The following SLC16A9 variants were observed in gnomAD, a reference collection of about 807,000 sequenced individuals.
The protein encoded by SLC16A9 is monocarboxylate transporter 9.
A neutral mutation model predicts 44.3 loss-of-function variants in SLC16A9; 26 were observed. That is an observed-to-expected ratio of 0.59 (90% CI 0.43 to 0.81). SLC16A9 has a LOEUF of 0.81. Among genes scored for constraint, SLC16A9 ranks in the 40% least tolerant of loss-of-function variants. SLC16A9 has a pLI of 0.00. For synonymous variants in SLC16A9, 230 were observed against 225.1 expected, an observed-to-expected ratio of 1.02 and a Z score of -0.19; for missense variants, 559 against 595.8, an observed-to-expected ratio of 0.94 and a Z score of 0.64.
In SLC16A9 at chr10:59,654,294, A is replaced by G; in HGVS notation, c.732T>C (p.Asn244=). 6.2e-7 allele frequency: 1 copy of G among 1,614,078 alleles called. No homozygotes were observed. The highest frequency in any genetic ancestry group is 8.5e-7 in the Non-Finnish European group (1 of 1,180,022). Residue 244 remains asparagine (N), a synonymous_variant, in exon 5 of 6, where the codon AAT becomes AAC. Transcript: ENST00000395348. Reference sequence around the variant, plus strand: ...GTAGGCTGTCTTGTTTCCAGTCACCATTGGCTAACGTGATCCTGCATTTTT... The same window carrying G: ...GTAGGCTGTCTTGTTTCCAGTCACCGTTGGCTAACGTGATCCTGCATTTTT... The part of the protein sequence containing the change: ...SEEKCRITLA[N]GDWKQDSLLH...
At chr10:59,682,488 G>A (rs1840045493) in intron 2 of SLC16A9, among the ~76,000 whole-genome samples, 1 of 152,030 alleles carries the variant, frequency 6.6e-6, no homozygotes. Context: ...GACCACCAAT[G>A]CCCATCCTTA....
At chr10:59,705,298 ATCAGGCCCAGT>A (rs1329494763) in intron 1 of SLC16A9, among the ~76,000 whole-genome samples, 1 of 152,222 alleles carries the variant, frequency 6.6e-6, no homozygotes, top group Non-Finnish European at 1.5e-5. Flanking sequence ...TGCTACAGGA[ATCAGGCCCAGT>A]TTCTATCTAA....
intron 3 of SLC16A9, among the ~76,000 whole-genome samples, chr10:59,670,291 AT>A (rs1313256970): frequency 2.0e-5 from 3 of 152,240 alleles, no homozygotes; most frequent in African/African-American, 4.8e-5. Flanking sequence ...TTTATAAAAA[AT>A]AAAAAAGGAA....
At chr10:59,702,404 G>A (rs1840544446) in intron 1 of SLC16A9, among the ~76,000 whole-genome samples, 1 of 152,170 alleles carries the variant, frequency 6.6e-6, no homozygotes, top group Admixed American at 6.5e-5. Context: ...CATACTCGCT[G>A]ATGTGAAAGG....
At chr10:59,705,364 A>G (rs1840614730) in intron 1 of SLC16A9, among the ~76,000 whole-genome samples, 1 of 152,172 alleles carries the variant, frequency 6.6e-6, no homozygotes, top group Admixed American at 6.5e-5. Context: ...ACATGATAGT[A>G]CAATAGTTCA....
chr10:59,684,353 A>G, intron 1 of SLC16A9, 26 bp from the exon 2 acceptor site: 1 of 1,440,582 alleles, frequency 6.9e-7, no homozygotes, highest in Non-Finnish European at 9.6e-7. Context: ...CAGAAAAGAG[A>G]ATCTTATTTA....
rs1164804482 is a variant in SLC16A9 at position 59,652,842 on chromosome 10, T to C, written c.1460A>G (p.Asp487Gly). The C allele has an allele frequency of 1.2e-6, 2 of 1,613,944 alleles. No homozygotes were observed. Among genetic ancestry groups the C allele is most frequent in the Non-Finnish European group, 1.7e-6 (2 of 1,179,936 alleles). Residue 487 changes from aspartate to glycine, a missense_variant, in exon 6 of 6, where the codon GAT becomes GGT. Asp to Gly is a moderately conservative substitution (Grantham distance 94). Coordinates refer to ENST00000395348, the MANE Select transcript of SLC16A9 (RefSeq NM_194298.3). ...CTTGGGGAGTTGCTTGTTGCATGTA[T>C]CCCAAGAGGGCAAGGCTGCCAGCAG... ...ILLLAALPSW[D>G]TCNKQLPKPA...
In SLC16A9 at chr10:59,694,871, A is replaced by AT. The variant is rs1840338959; in HGVS notation, c.-36-10545dup. 2.1e-5 allele frequency among the ~76,000 whole-genome samples: 3 copies of AT among 144,736 alleles called. No homozygotes were observed. The South Asian group carries it at 6.5e-4, about 31-fold the overall frequency. 95.0% of individuals were successfully genotyped at this position (144,736 alleles called of 152,430 possible). ...TAAATATTTTTATATATTATATGTG[A>AT]TAAAAACTGATAAACATATATAGAT... is the stretch of plus-strand genomic sequence containing the variant. On this transcript the variant is annotated intron_variant, in intron 1 of 5. Coordinates refer to ENST00000395348, the MANE Select transcript of SLC16A9 (RefSeq NM_194298.3).
rs1227980066 is a variant in SLC16A9, at chr10:59,651,935, G to A, written c.*837C>T. On this transcript the variant is annotated 3_prime_UTR_variant, in exon 6 of 6. Coordinates refer to ENST00000395348, the MANE Select transcript of SLC16A9 (RefSeq NM_194298.3). The stretch of plus-strand genomic sequence containing the variant: ...ATGGATGTTTCCCATTTGCCAGAAC[G>A]GAATGATTGAGAAATGTGTTTCCAA... The A allele has an allele frequency of 3.3e-5, 5 of 152,168 alleles. No individual in the cohort carries two copies. The highest frequency in any genetic ancestry group is 3.2e-3 in the Middle Eastern group (1 of 316). The allele number at this position is 152,168 out of a possible 1,614,324, so 9.4% of individuals were successfully genotyped here. A position where few individuals can be genotyped will look rare whatever the true frequency, so the allele number is the denominator to read the frequency against.
At chr10:59,704,012 C>T (rs1256474201) in intron 1 of SLC16A9, among the ~76,000 whole-genome samples, 3 of 152,120 alleles carry the variant, frequency 2.0e-5, no homozygotes, top group Non-Finnish European at 4.4e-5. Flanking sequence ...TGAGCCACTG[C>T]GCCCGGCCAA....
intron 1 of SLC16A9, among the ~76,000 whole-genome samples, chr10:59,707,492 A>G (rs946573735): frequency 6.6e-6 from 1 of 151,684 alleles, no homozygotes; most frequent in African/African-American, 2.4e-5. Context: ...CAATAAGTTT[A>G]AGAGATCTAT....
At chr10:59,664,102 G>T in intron 4 of SLC16A9, 125 bp downstream of exon 4, 4 of 385,244 alleles carry the variant, frequency 1.0e-5, no homozygotes, top group African/African-American at 2.1e-5. Context: ...CAGAAGTAAA[G>T]AAATTATTTT....
At chr10:59,700,160 G>A (rs1442610916) in intron 1 of SLC16A9, among the ~76,000 whole-genome samples, 2 of 152,110 alleles carry the variant, frequency 1.3e-5, no homozygotes, top group East Asian at 3.9e-4. Context: ...AAATCAAGAA[G>A]CACTGAAGTC....
chr10:59,678,834 C>T (rs1839924044), intron 2 of SLC16A9, among the ~76,000 whole-genome samples: 2 of 151,876 alleles, frequency 1.3e-5, no homozygotes, highest in African/African-American at 2.4e-5. Flanking sequence ...TGAGCCACCG[C>T]GCCCGGCCAC....
intron 3 of SLC16A9, among the ~76,000 whole-genome samples, chr10:59,665,237 C>T (rs1350178090): frequency 2.0e-5 from 3 of 152,114 alleles, no homozygotes; most frequent in Admixed American, 6.6e-5. Context: ...GCTTTTCTTC[C>T]ACAACATTAT....
chr10:59,691,135 AG>A (rs1840244025), intron 1 of SLC16A9, among the ~76,000 whole-genome samples: 1 of 152,218 alleles, frequency 6.6e-6, no homozygotes, highest in Admixed American at 6.5e-5. Flanking sequence ...TGTAAGTATC[AG>A]AAGGCACTAT....
At chr10:59,698,630 G>A (rs569938451) in intron 1 of SLC16A9, among the ~76,000 whole-genome samples, 17 of 152,296 alleles carry the variant, frequency 1.1e-4, no homozygotes, top group African/African-American at 3.9e-4. Flanking sequence ...AGACCCAGGA[G>A]GAGCAGCTCC....
intron 1 of SLC16A9, among the ~76,000 whole-genome samples, chr10:59,686,187 C>A (rs746605781): frequency 1.1e-4 from 16 of 152,092 alleles, no homozygotes; most frequent in Admixed American, 5.9e-4. Flanking sequence ...ACATCATTAC[C>A]ACATTTGTTT....
intron 2 of SLC16A9, among the ~76,000 whole-genome samples, chr10:59,673,163 G>GT (rs1287280459): frequency 5.9e-5 from 9 of 152,108 alleles, no homozygotes; most frequent in African/African-American, 2.2e-4. Context: ...TATCACATAG[G>GT]TAAAATGGAG....
Sources: gnomAD v4.1 joint callset for allele counts (sites outside exome capture counted in the v4.1 genomes callset) on GRCh38, gnomAD v4.1.1 for gene constraint, MANE v1.5 for transcripts, NCBI Gene and HGNC (gene_info 2026-07-23, HGNC 2026-07-21) for gene names.